Variants in RORB observed in about 807,000 individuals in gnomAD.
RORB encodes the protein RAR related orphan receptor B, also known as nuclear receptor ROR-beta.
Under a neutral mutation model 59.1 loss-of-function variants are expected in RORB, and 6 were observed. The ratio of observed to expected loss-of-function variants is 0.10; its 90% CI spans 0.06 to 0.20. The LOEUF is 0.20. RORB is among the 10% of genes least tolerant of loss of function. The pLI is 1.00. For missense variants in RORB, 320 were observed against 560.5 expected (o/e 0.57, Z 4.33); for synonymous variants, 215 against 204.5 (o/e 1.05, Z -0.44).
intron 1 of RORB, chr9:74,498,439 T>A (rs1317707083): frequency 6.1e-6 from 1 of 164,434 alleles, no homozygotes; most frequent in African/African-American, 2.4e-5. Flanking sequence ...GGGCACACAC[T>A]CGCCAGGTTA....
intron 1 of RORB, among the ~76,000 whole-genome samples, chr9:74,619,539 C>A (rs1823373812): frequency 6.6e-6 from 1 of 152,130 alleles, no homozygotes; most frequent in African/African-American, 2.4e-5. Context: ...GCAACCTCTG[C>A]CTCCCAGGTT....
chr9:74,572,202 A>G (rs1451403137), intron 1 of RORB, among the ~76,000 whole-genome samples: 1 of 152,190 alleles, frequency 6.6e-6, no homozygotes, highest in Non-Finnish European at 1.5e-5. Context: ...TCAACGGGAT[A>G]GGGAAGCATA....
chr9:74,501,816 C>T (rs1825806967), intron 1 of RORB, among the ~76,000 whole-genome samples: 1 of 152,098 alleles, frequency 6.6e-6, no homozygotes, highest in African/African-American at 2.4e-5. Context: ...TCTATATTTT[C>T]TAACAATCAC....
At chr9:74,529,740 G>A (rs1441841402) in intron 1 of RORB, among the ~76,000 whole-genome samples, 6 of 151,752 alleles carry the variant, frequency 4.0e-5, no homozygotes, top group Non-Finnish European at 8.8e-5. Context: ...TTGTATAAAA[G>A]CATGATACCT....
chr9:74,586,048 C>T (rs1822794338), intron 1 of RORB, among the ~76,000 whole-genome samples: 1 of 152,094 alleles, frequency 6.6e-6, no homozygotes, highest in South Asian at 2.1e-4. Flanking sequence ...CCCGCCTCGA[C>T]CTCCCAAAGT....
At chr9:74,506,449 T>G (rs911695263) in intron 1 of RORB, among the ~76,000 whole-genome samples, 1 of 152,062 alleles carries the variant, frequency 6.6e-6, no homozygotes, top group Non-Finnish European at 1.5e-5. Flanking sequence ...GAGTTGCTGA[T>G]CAGGCTGAAA....
At chr9:74,608,479 G>T (rs1021098854) in intron 1 of RORB, among the ~76,000 whole-genome samples, 46 of 151,574 alleles carry the variant, frequency 3.0e-4, no homozygotes, top group African/African-American at 1.1e-3. Context: ...CAGGAGAATG[G>T]CGTGAACCCG....
intron 1 of RORB, among the ~76,000 whole-genome samples, chr9:74,563,717 T>C (rs1247575403): frequency 6.6e-6 from 1 of 152,210 alleles, no homozygotes; most frequent in East Asian, 1.9e-4. Context: ...TGCTGAGGCA[T>C]GCAGAACTAA....
intron 9 of RORB, among the ~76,000 whole-genome samples, chr9:74,681,057 G>C (rs1165990169): frequency 6.6e-6 from 1 of 152,132 alleles, no homozygotes; most frequent in African/African-American, 2.4e-5. Context: ...AGAAAGAAAT[G>C]AGTGTGAAAA....
intron 1 of RORB, among the ~76,000 whole-genome samples, chr9:74,513,231 G>A (rs575150942): frequency 6.6e-6 from 1 of 152,016 alleles, no homozygotes; most frequent in East Asian, 1.9e-4. Context: ...AATATAAATA[G>A]AATCGATGTG....
chr9:74,522,438 T>C (rs1035996604), intron 1 of RORB, among the ~76,000 whole-genome samples: 1 of 151,780 alleles, frequency 6.6e-6, no homozygotes, highest in African/African-American at 2.4e-5. Context: ...AAAATTATTC[T>C]ATACAGTGAT....
intron 1 of RORB, among the ~76,000 whole-genome samples, chr9:74,556,348 TAA>T (rs1299067980): frequency 1.3e-5 from 2 of 152,146 alleles, no homozygotes; most frequent in African/African-American, 4.8e-5. Flanking sequence ...CATATGACAC[TAA>T]AAGAGTAAAA....
chr9:74,655,582 C>T (rs1824065804), intron 4 of RORB, among the ~76,000 whole-genome samples: 1 of 152,190 alleles, frequency 6.6e-6, no homozygotes, highest in African/African-American at 2.4e-5. Context: ...GAGAGGACTA[C>T]ATTTACTATT....
Position 74,692,110 on chromosome 9 carries a change from T to TC in RORB, c.*6493dup, listed in dbSNP as rs1186089483. 1 of 152,172 alleles carries TC rather than the reference T, an allele frequency of 6.6e-6. No individual in the cohort carries two copies. Among genetic ancestry groups the TC allele is most frequent in the Admixed American group, 6.5e-5 (1 of 15,282 alleles). 9.4% of individuals were successfully genotyped at this position (152,172 alleles called of 1,614,324 possible). A position where few individuals can be genotyped will look rare whatever the true frequency, so the allele number is the denominator to read the frequency against. On this transcript the variant is annotated 3_prime_UTR_variant, in exon 10 of 10. Coordinates refer to ENST00000376896, the MANE Select transcript of RORB (RefSeq NM_006914.4). ...TTTATTTCTTGTTAATAACCTGAGG[T>TC]CAGACCACTCATTTGCTGAAGCCAT...
chr9:74,648,551 T>G (rs1823938500), intron 4 of RORB, among the ~76,000 whole-genome samples: 1 of 152,198 alleles, frequency 6.6e-6, no homozygotes, highest in African/African-American at 2.4e-5. Context: ...TTCTGAATGA[T>G]GCTGAATAAC....
intron 1 of RORB, among the ~76,000 whole-genome samples, chr9:74,612,296 G>A (rs1403373366): frequency 6.6e-6 from 1 of 152,130 alleles, no homozygotes; most frequent in Non-Finnish European, 1.5e-5. Flanking sequence ...CATTTGGGAT[G>A]GCTCAGGTGA....
At chr9:74,550,306 A>G (rs962315201) in intron 1 of RORB, among the ~76,000 whole-genome samples, 14 of 152,120 alleles carry the variant, frequency 9.2e-5, no homozygotes, top group African/African-American at 3.4e-4. Context: ...AGCAAAACTC[A>G]CTCTTTTGGG....
intron 1 of RORB, among the ~76,000 whole-genome samples, chr9:74,581,743 C>G (rs994110082): frequency 6.6e-6 from 1 of 152,070 alleles, no homozygotes; most frequent in African/African-American, 2.4e-5. Context: ...ACTGATTCCC[C>G]CCTGAGAACC....
chr9:74,603,920 G>T (rs1823107973), intron 1 of RORB, among the ~76,000 whole-genome samples: 1 of 152,182 alleles, frequency 6.6e-6, no homozygotes, highest in African/African-American at 2.4e-5. Context: ...TATATTAAAA[G>T]GTTGAGTGCC....
Sources: gnomAD v4.1 joint callset for allele counts (sites outside exome capture counted in the v4.1 genomes callset) on GRCh38, gnomAD v4.1.1 for gene constraint, MANE v1.5 for transcripts, NCBI Gene and HGNC (gene_info 2026-07-23, HGNC 2026-07-21) for gene names.